Variants in TENM4 observed in about 807,000 individuals in gnomAD.
The protein encoded by TENM4 is teneurin transmembrane protein 4, also known as teneurin-4.
Under a neutral mutation model 243.3 loss-of-function variants are expected in TENM4, and 82 were observed. That is an observed-to-expected ratio of 0.34 (90% CI 0.28 to 0.40). The LOEUF (loss-of-function observed/expected upper bound fraction) is 0.40. TENM4 is among the 10% of genes least tolerant of loss of function. TENM4 has a pLI of 1.00. For missense variants in TENM4, 3,138 were observed against 3,673.3 expected (o/e 0.85, Z 3.77); for synonymous variants, 1,412 against 1,456.3 (o/e 0.97, Z 0.69).
At chr11:79,374,159 AG>A (rs1857843381) in intron 1 of TENM4, among the ~76,000 whole-genome samples, 1 of 152,220 alleles carries the variant, frequency 6.6e-6, no homozygotes, top group African/African-American at 2.4e-5. Flanking sequence ...ACACTCTTTG[AG>A]GACCGAAATC....
At chr11:79,300,678 C>T (rs1856536535) in intron 1 of TENM4, among the ~76,000 whole-genome samples, 4 of 152,140 alleles carry the variant, frequency 2.6e-5, no homozygotes, top group African/African-American at 9.7e-5. Flanking sequence ...TTTAATCTGC[C>T]TCTCTTGAAT....
chr11:78,718,764 C>A (rs560835555), intron 25 of TENM4, among the ~76,000 whole-genome samples: 2 of 152,146 alleles, frequency 1.3e-5, no homozygotes, highest in Non-Finnish European at 2.9e-5. Flanking sequence ...AAAAAATGTT[C>A]TCTTCTGAGA....
intron 3 of TENM4, among the ~76,000 whole-genome samples, chr11:79,213,480 G>A (rs1466167085): frequency 2.0e-5 from 3 of 152,174 alleles, no homozygotes; most frequent in Non-Finnish European, 2.9e-5. Flanking sequence ...AGCAGAAGAG[G>A]GGCCCAGAAA....
intron 2 of TENM4, among the ~76,000 whole-genome samples, chr11:79,241,515 C>G (rs1855417259): frequency 6.6e-6 from 1 of 152,152 alleles, no homozygotes; most frequent in South Asian, 2.1e-4. Flanking sequence ...GCTGCACATG[C>G]CAGCAGAAGG....
chr11:78,867,465 G>A (rs1859011216), intron 9 of TENM4, among the ~76,000 whole-genome samples: 1 of 152,190 alleles, frequency 6.6e-6, no homozygotes, highest in South Asian at 2.1e-4. Context: ...TTAGGCAGGT[G>A]GTTAATTCTA....
In TENM4 at chr11:79,364,338, C is replaced by T. The variant is rs947277125; in HGVS notation, c.-320-66795G>A. ...AATGGGCCTGCCATGGATGACAAGG[C>T]CTGGAGGAAAGGGTTCCTCTGTAGT... On this transcript the variant is annotated intron_variant, in intron 1 of 33. Transcript: ENST00000278550. Among the ~76,000 whole-genome samples, 13 of 152,268 alleles carry T rather than the reference C, an allele frequency of 8.5e-5. No individual in the cohort carries two copies. In the East Asian group the frequency reaches 1.9e-3, roughly 23 times the overall value.
Sources: gnomAD v4.1 joint callset for allele counts (sites outside exome capture counted in the v4.1 genomes callset) on GRCh38, gnomAD v4.1.1 for gene constraint, MANE v1.5 for transcripts, NCBI Gene and HGNC (gene_info 2026-07-23, HGNC 2026-07-21) for gene names.